Variants in ELAVL2 observed in about 807,000 individuals in gnomAD.
ELAVL2 encodes ELAV like RNA binding protein 2.
In ELAVL2, 4 loss-of-function variants were observed where a neutral mutation model predicts 34.6. The ratio of observed to expected loss-of-function variants is 0.12; its 90% CI spans 0.06 to 0.26. ELAVL2 has a LOEUF of 0.26. Among genes scored for constraint, ELAVL2 ranks in the 10% least tolerant of loss-of-function variants. ELAVL2 has a pLI of 1.00. For synonymous variants in ELAVL2, 193 were observed against 154.8 expected, an observed-to-expected ratio of 1.25 and a Z score of -1.83; for missense variants, 432 against 442.8, an observed-to-expected ratio of 0.98 and a Z score of 0.22.
At chr9:23,790,273 C>A (rs981645625) in intron 1 of ELAVL2, among the ~76,000 whole-genome samples, 4 of 152,004 alleles carry the variant, frequency 2.6e-5, no homozygotes, top group South Asian at 2.1e-4. Flanking sequence ...AGAGGGAATA[C>A]AAAAATATAT....
At chr9:23,734,832 T>A (rs1166046810) in intron 2 of ELAVL2, among the ~76,000 whole-genome samples, 1 of 151,568 alleles carries the variant, frequency 6.6e-6, no homozygotes, top group Non-Finnish European at 1.5e-5. Flanking sequence ...CAAAAAAAAA[T>A]ACCTTACCTA....
At chr9:23,783,336 G>T in intron 1 of ELAVL2, 1 of 408,024 alleles carries the variant, frequency 2.5e-6, no homozygotes, top group Non-Finnish European at 3.3e-6. Flanking sequence ...ATCTCACTCA[G>T]CTCACAGTCT....
chr9:23,730,428 C>T (rs1392487312), intron 3 of ELAVL2, among the ~76,000 whole-genome samples: 6 of 152,166 alleles, frequency 3.9e-5, no homozygotes, highest in Non-Finnish European at 8.8e-5. Flanking sequence ...TCAAGCACCA[C>T]ATCTAGCCTG....
At chr9:23,741,185 A>T (rs1285613390) in intron 2 of ELAVL2, among the ~76,000 whole-genome samples, 2 of 152,198 alleles carry the variant, frequency 1.3e-5, no homozygotes, top group Admixed American at 1.3e-4. Context: ...GGTAATAGGA[A>T]CATGGAGAAG....
At chr9:23,749,084 T>A (rs2051243214) in intron 2 of ELAVL2, among the ~76,000 whole-genome samples, 2 of 152,130 alleles carry the variant, frequency 1.3e-5, no homozygotes, top group African/African-American at 4.8e-5. Flanking sequence ...ATACTGTGAA[T>A]GTGCTTAATG....
Position 23,762,244 on chromosome 9 carries a change from T to A in ELAVL2, c.-10A>T, listed in dbSNP as rs932045794. On this transcript the variant is annotated 5_prime_UTR_variant, in exon 2 of 7. Coordinates refer to ENST00000397312, the MANE Select transcript of ELAVL2 (RefSeq NM_004432.5). ...ACAGTTGTGTTTCCATGGCAGCAAT[T>A]ACCTGCTAAAAACAGAGAAAACAAG... 1 of 1,613,064 alleles carries A rather than the reference T, an allele frequency of 6.2e-7. No homozygotes were observed. Among genetic ancestry groups the A allele is most frequent in the African/African-American group, 1.3e-5 (1 of 74,856 alleles).
At chr9:23,757,507 T>C (rs2053859593) in intron 2 of ELAVL2, among the ~76,000 whole-genome samples, 1 of 151,886 alleles carries the variant, frequency 6.6e-6, no homozygotes, top group South Asian at 2.1e-4. Flanking sequence ...TAAGGTCACC[T>C]CTAGGGCTTT....
At chr9:23,697,889 G>A (rs1255684505) in intron 5 of ELAVL2, among the ~76,000 whole-genome samples, 1 of 151,608 alleles carries the variant, frequency 6.6e-6, no homozygotes, top group Non-Finnish European at 1.5e-5. Flanking sequence ...TCTCCAAAGC[G>A]CCAACCGAGA....
rs532614435 is a variant in ELAVL2, at chr9:23,808,665, T to C, written c.-16+17141A>G. 5.6e-4 allele frequency among the ~76,000 whole-genome samples: 85 copies of C among 152,322 alleles called. 1 individual carries two copies. Among genetic ancestry groups the C allele is most frequent in the African/African-American group, 2.0e-3 (82 of 41,576 alleles). On this transcript the variant is annotated intron_variant, in intron 1 of 6. Transcript: ENST00000397312. ...TTAAAGTGGCTACTAATAAAAACTTTAGATGTAAACATTTCAAATATTCAT... is the reference window on the plus strand; with the variant it reads ...TTAAAGTGGCTACTAATAAAAACTTCAGATGTAAACATTTCAAATATTCAT...
chr9:23,759,782 AT>A (rs1564324893), intron 2 of ELAVL2, among the ~76,000 whole-genome samples: 1,543 of 133,146 alleles, frequency 0.012, 36 homozygotes, highest in South Asian at 0.044. Context: ...ATATATATAT[AT>A]ATATATAATG....
intron 1 of ELAVL2, among the ~76,000 whole-genome samples, chr9:23,807,884 T>C (rs1469212021): frequency 6.6e-6 from 1 of 152,194 alleles, no homozygotes; most frequent in Non-Finnish European, 1.5e-5. Flanking sequence ...ATAAAGGATT[T>C]AGACAATGCA....
rs117666130 is a variant in ELAVL2, at chr9:23,757,695, T to C, written c.229+4311A>G. On this transcript the variant is annotated intron_variant, in intron 2 of 6. Transcript: ENST00000397312. ...GCTTCTCATGATGAATGCCTATAGA[T>C]AGGAAACAGGCTGAAGCATACAGCT... 5.5e-4 allele frequency among the ~76,000 whole-genome samples: 83 copies of C among 151,984 alleles called. 1 individual carries two copies. The East Asian group carries it at 0.016, about 28-fold the overall frequency.
intron 2 of ELAVL2, among the ~76,000 whole-genome samples, chr9:23,750,811 G>C (rs960683263): frequency 6.6e-6 from 1 of 152,138 alleles, no homozygotes; most frequent in African/African-American, 2.4e-5. Flanking sequence ...ACCAGGGTTA[G>C]GAAAAAGGAT....
the ELAVL2 span, among the ~76,000 whole-genome samples, chr9:23,833,626 T>A: frequency 5.9e-5 from 9 of 152,026 alleles, no homozygotes; most frequent in East Asian, 3.9e-4. Flanking sequence ...CTTGTTTTTT[T>A]ATAAATTTTT....
intron 3 of ELAVL2, among the ~76,000 whole-genome samples, chr9:23,722,354 G>T (rs1307583090): frequency 6.6e-6 from 1 of 152,204 alleles, no homozygotes; most frequent in South Asian, 2.1e-4. Context: ...TAATTTTACT[G>T]TTCATTACAA....
chr9:23,701,704 T>C lies in ELAVL2; in HGVS notation c.488-100A>G, dbSNP rs1430768036. The C allele has an allele frequency of 2.4e-6, 3 of 1,234,894 alleles. No homozygotes were observed. The African/African-American group carries it at 4.5e-5, about 19-fold the overall frequency. The allele number at this position is 1,234,894 out of a possible 1,614,324, so 76.5% of individuals were successfully genotyped here. A position where few individuals can be genotyped will look rare whatever the true frequency, so the allele number is the denominator to read the frequency against. On this transcript the variant is annotated intron_variant, in intron 4 of 6. Coordinates refer to ENST00000397312, the MANE Select transcript of ELAVL2 (RefSeq NM_004432.5). ...TAATTTTTCCTTCTCAAGAACATGT[T>C]TTCACCTACATATAACATTTCCCAC...
intron 2 of ELAVL2, among the ~76,000 whole-genome samples, chr9:23,734,026 A>ATGAG (rs781529239): frequency 1.1e-4 from 16 of 152,218 alleles, no homozygotes; most frequent in Non-Finnish European, 1.9e-4. Context: ...CATTATTAGG[A>ATGAG]TGAGTGCCAC....
chr9:23,803,340 G>C (rs2061798602), intron 1 of ELAVL2, among the ~76,000 whole-genome samples: 1 of 152,190 alleles, frequency 6.6e-6, no homozygotes. Context: ...GCTATTACAT[G>C]TTTCATGTTG....
chr9:23,779,847 T>C (rs2136719921), intron 1 of ELAVL2, among the ~76,000 whole-genome samples: 1 of 152,024 alleles, frequency 6.6e-6, no homozygotes, highest in African/African-American at 2.4e-5. Flanking sequence ...GCTGGAGCAA[T>C]TCCAAAACTG....
Sources: allele counts gnomAD v4.1 joint callset (sites outside exome capture counted in the v4.1 genomes callset), GRCh38; gene constraint gnomAD v4.1.1; transcripts MANE v1.5; gene names NCBI Gene and HGNC (gene_info 2026-07-23, HGNC 2026-07-21).